Variants in TTC28 observed in about 807,000 individuals in gnomAD.
The protein encoded by TTC28 is tetratricopeptide repeat protein 28.
A neutral mutation model predicts 198.0 loss-of-function variants in TTC28; 61 were observed. The ratio of observed to expected loss-of-function variants is 0.31; its 90% CI spans 0.25 to 0.38. The LOEUF (loss-of-function observed/expected upper bound fraction) is 0.38, where lower values mean the gene tolerates loss of function less well. Ranked by LOEUF, TTC28 falls within the 10% of genes least tolerant of loss-of-function variation. The probability of loss-of-function intolerance (pLI) is 1.00; values close to 1 mark genes in which losing one functional copy is unlikely to be tolerated. For missense variants in TTC28, 2,678 were observed against 3,164.0 expected, an observed-to-expected ratio of 0.85 and a Z score of 3.69; for synonymous variants, 1,171 against 1,297.8, an observed-to-expected ratio of 0.90 and a Z score of 2.10.
At chr22:28,026,832 C>T (rs1204137756) in intron 13 of TTC28, among the ~76,000 whole-genome samples, 2 of 152,210 alleles carry the variant, frequency 1.3e-5, no homozygotes, top group Non-Finnish European at 2.9e-5. Flanking sequence ...CATTGTGTCA[C>T]ACACAGATAT....
chr22:28,008,901 G>C (rs992600308), intron 14 of TTC28, among the ~76,000 whole-genome samples: 34 of 152,222 alleles, frequency 2.2e-4, no homozygotes, highest in Non-Finnish European at 3.7e-4. Context: ...GACTGGCCCA[G>C]ATCAGTCCAG....
In TTC28 at chr22:27,980,126, A is replaced by C. The variant is rs1430341329; in HGVS notation, c.*2095T>G. 6.6e-6 allele frequency: 1 copy of C among 152,210 alleles called. No individual in the cohort carries two copies. Among genetic ancestry groups the C allele is most frequent in the Non-Finnish European group, 1.5e-5 (1 of 68,044 alleles). The allele number at this position is 152,210 out of a possible 1,614,324, so 9.4% of individuals were successfully genotyped here. A position where few individuals can be genotyped will look rare whatever the true frequency, so the allele number is the denominator to read the frequency against. On this transcript the variant is annotated 3_prime_UTR_variant, in exon 23 of 23. Transcript: ENST00000397906. ...CTCCAGGGATCCTTGGCACTTGGGA[A>C]AGAAGGAGGCTGAGAGATTTGCTAA...
chr22:28,032,502 G>A (rs1939177336), intron 12 of TTC28, among the ~76,000 whole-genome samples: 1 of 151,552 alleles, frequency 6.6e-6, no homozygotes, highest in Non-Finnish European at 1.5e-5. Context: ...GTATGCAACG[G>A]GGAATTGCTG....
At chr22:28,033,242 G>A (rs1939205067) in intron 12 of TTC28, among the ~76,000 whole-genome samples, 3 of 152,074 alleles carry the variant, frequency 2.0e-5, no homozygotes, top group African/African-American at 4.8e-5. Context: ...TATTAACACC[G>A]AAGGGAACAA....
At chr22:28,547,436 C>G (rs1359922441) in intron 2 of TTC28, among the ~76,000 whole-genome samples, 1 of 152,180 alleles carries the variant, frequency 6.6e-6, no homozygotes, top group Non-Finnish European at 1.5e-5. Flanking sequence ...TTCATTTCAA[C>G]AAAGTGGTTC....
At chr22:28,135,205 C>T (rs1396819106) in intron 6 of TTC28, among the ~76,000 whole-genome samples, 1 of 152,092 alleles carries the variant, frequency 6.6e-6, no homozygotes, top group African/African-American at 2.4e-5. Context: ...CCTGTTACTA[C>T]CTTGGGGTGG....
chr22:28,625,072 C>A (rs960128747), intron 2 of TTC28, among the ~76,000 whole-genome samples: 1 of 152,080 alleles, frequency 6.6e-6, no homozygotes, highest in Non-Finnish European at 1.5e-5. Context: ...AAGGGAATAT[C>A]CTCCACCTGA....
At chr22:28,644,174 C>T (rs573927787) in intron 1 of TTC28, among the ~76,000 whole-genome samples, 2 of 150,816 alleles carry the variant, frequency 1.3e-5, no homozygotes, top group South Asian at 2.1e-4. Flanking sequence ...CCGAGGCAGG[C>T]GGATCACGAG....
chr22:28,428,694 A>G (rs1021802922), intron 2 of TTC28, among the ~76,000 whole-genome samples: 1 of 151,342 alleles, frequency 6.6e-6, no homozygotes, highest in African/African-American at 2.4e-5. Context: ...GCTGGAGTGC[A>G]GTGGCACAAT....
intron 1 of TTC28, among the ~76,000 whole-genome samples, chr22:28,641,144 T>C (rs1348868476): frequency 1.3e-5 from 2 of 151,986 alleles, no homozygotes; most frequent in Non-Finnish European, 2.9e-5. Context: ...GCCAACATGG[T>C]GAGACCCCAT....
At chr22:28,364,289 CCATGT>C (rs1339516013) in intron 2 of TTC28, among the ~76,000 whole-genome samples, 1 of 152,166 alleles carries the variant, frequency 6.6e-6, no homozygotes, top group Non-Finnish European at 1.5e-5. Flanking sequence ...CTGCTGCCAT[CCATGT>C]AAGATGTGAC....
At chr22:28,438,727 G>A (rs976211154) in intron 2 of TTC28, among the ~76,000 whole-genome samples, 4 of 152,026 alleles carry the variant, frequency 2.6e-5, no homozygotes, top group African/African-American at 9.6e-5. Flanking sequence ...TATGAGATGA[G>A]CATTTTAATT....
At chr22:28,274,294 TA>T in intron 5 of TTC28, among the ~76,000 whole-genome samples, 1 of 152,348 alleles carries the variant, frequency 6.6e-6, no homozygotes, top group South Asian at 2.1e-4. Flanking sequence ...AATACTTCAG[TA>T]AAAGTTTATT....
At position 28,634,643 on chromosome 22, in the gene TTC28, C is replaced by T. The variant is rs968261252; in HGVS notation, c.103-4813G>A. 1.9e-4 allele frequency among the ~76,000 whole-genome samples: 29 copies of T among 148,776 alleles called. No individual in the cohort carries two copies. The East Asian group carries it at 4.3e-3, about 22-fold the overall frequency. Reference sequence around the variant, plus strand: ...CTCTGTTGCCCTGGCTGGAGGGCAGCGGAGTGATCTTGGCTCACTGCAACC... The same window carrying T: ...CTCTGTTGCCCTGGCTGGAGGGCAGTGGAGTGATCTTGGCTCACTGCAACC... On this transcript the variant is annotated intron_variant, in intron 1 of 22. Coordinates refer to ENST00000397906, the MANE Select transcript of TTC28 (RefSeq NM_001145418.2).
At chr22:28,603,973 C>T (rs538859303) in intron 2 of TTC28, among the ~76,000 whole-genome samples, 4 of 152,076 alleles carry the variant, frequency 2.6e-5, no homozygotes, top group South Asian at 4.2e-4. Flanking sequence ...ACTTTAAAAA[C>T]GTTTTTGAAA....
intron 5 of TTC28, among the ~76,000 whole-genome samples, chr22:28,242,294 C>T (rs921713139): frequency 6.6e-6 from 1 of 152,182 alleles, no homozygotes; most frequent in South Asian, 2.1e-4. Flanking sequence ...GTTTATATCA[C>T]ATTTACTTGT....
intron 2 of TTC28, among the ~76,000 whole-genome samples, chr22:28,491,177 T>G (rs970248050): frequency 7.9e-5 from 12 of 152,180 alleles, no homozygotes; most frequent in Non-Finnish European, 2.9e-5. Context: ...AAAAGATACT[T>G]TTAGAGAGTT....
chr22:28,280,333 AT>A (rs201357614), intron 5 of TTC28, among the ~76,000 whole-genome samples: 22 of 150,450 alleles, frequency 1.5e-4, no homozygotes, highest in East Asian at 7.8e-4. Flanking sequence ...AAAAAAAAAA[AT>A]TTTTTTTTTG....
At chr22:28,660,009 G>A (rs2051716875) in intron 1 of TTC28, among the ~76,000 whole-genome samples, 1 of 151,900 alleles carries the variant, frequency 6.6e-6, no homozygotes, top group Non-Finnish European at 1.5e-5. Context: ...TGCCCAGGCT[G>A]ACCTTGAACT....
Sources: gnomAD v4.1 joint callset for allele counts (sites outside exome capture counted in the v4.1 genomes callset) on GRCh38, gnomAD v4.1.1 for gene constraint, MANE v1.5 for transcripts, NCBI Gene and HGNC (gene_info 2026-07-23, HGNC 2026-07-21) for gene names.